AHI1: variants seen among roughly 807,000 people sequenced by gnomAD.
The protein encoded by AHI1 is Abelson helper integration site 1, also known as jouberin.
A neutral mutation model predicts 149.3 loss-of-function variants in AHI1; 123 were observed. That is an observed-to-expected ratio of 0.82 (90% CI 0.71 to 0.96). AHI1 has a LOEUF of 0.96. Ranked by LOEUF, AHI1 falls within the 40% of genes least tolerant of loss-of-function variation. AHI1 has a pLI of 0.00. For missense variants in AHI1, 1,439 were observed against 1,422.7 expected, an observed-to-expected ratio of 1.01 and a Z score of -0.18; for synonymous variants, 475 against 459.8, an observed-to-expected ratio of 1.03 and a Z score of -0.42.
chr6:135,411,657 G>A (rs1781613750), intron 20 of AHI1, 113 bp from the exon 21 acceptor site: 1 of 804,534 alleles, frequency 1.2e-6, no homozygotes, highest in East Asian at 3.0e-5. Context: ...CTTAAAAACT[G>A]GGTAATAATA....
chr6:135,413,273 C>T (rs1781871091), intron 20 of AHI1, among the ~76,000 whole-genome samples: 1 of 151,998 alleles, frequency 6.6e-6, no homozygotes, highest in Non-Finnish European at 1.5e-5. Flanking sequence ...GTCGAGGCTG[C>T]CACTGCATTC....
intron 20 of AHI1, among the ~76,000 whole-genome samples, chr6:135,413,736 AT>A (rs1476488797): frequency 5.5e-4 from 27 of 49,086 alleles, no homozygotes; most frequent in Non-Finnish European, 2.1e-3. Context: ...AAAAATTGAA[AT>A]TAAAAAAAAA....
At chr6:135,337,522 G>A (rs1243260524) in intron 24 of AHI1, among the ~76,000 whole-genome samples, 1 of 151,990 alleles carries the variant, frequency 6.6e-6, no homozygotes, top group East Asian at 1.9e-4. Flanking sequence ...ACTTTGGGAG[G>A]TCAAGGAGGG....
chr6:135,344,272 C>T (rs905998770), intron 24 of AHI1, among the ~76,000 whole-genome samples: 1 of 151,180 alleles, frequency 6.6e-6, no homozygotes, highest in Non-Finnish European at 1.5e-5. Context: ...ACACGGAGGG[C>T]TAAATGTATC....
chr6:135,387,796 G>A (rs1777819810), intron 23 of AHI1: 10 of 1,339,096 alleles, frequency 7.5e-6, no homozygotes, highest in Non-Finnish European at 9.6e-6. Context: ...ACCTCATACT[G>A]TTTATTCTCC....
chr6:135,309,124 T>A (rs1284113785), intron 26 of AHI1, among the ~76,000 whole-genome samples: 1 of 152,222 alleles, frequency 6.6e-6, no homozygotes, highest in Non-Finnish European at 1.5e-5. Context: ...AAAGGCCTTA[T>A]AAGTTCCTTT....
At chr6:135,401,815 T>C (rs961096486) in intron 22 of AHI1, among the ~76,000 whole-genome samples, 6 of 151,882 alleles carry the variant, frequency 4.0e-5, no homozygotes, top group African/African-American at 1.2e-4. Context: ...AAAGCACAAG[T>C]GACAAAAGAA....
At chr6:135,415,148 ATTTTT>A (rs1244776720) in intron 20 of AHI1, among the ~76,000 whole-genome samples, 1 of 151,758 alleles carries the variant, frequency 6.6e-6, no homozygotes, top group Non-Finnish European at 1.5e-5. Context: ...TGAACTCATC[ATTTTT>A]TATGGCTTCA....
chr6:135,332,191 T>C (rs903709935), intron 24 of AHI1, among the ~76,000 whole-genome samples: 1 of 151,572 alleles, frequency 6.6e-6, no homozygotes, highest in Admixed American at 6.6e-5. Flanking sequence ...TGCCTCAGCC[T>C]CCTGAGTAGC....
chr6:135,408,994 T>C (rs1474487902), intron 21 of AHI1, among the ~76,000 whole-genome samples: 2 of 152,176 alleles, frequency 1.3e-5, no homozygotes, highest in African/African-American at 4.8e-5. Flanking sequence ...TTATGGGAAA[T>C]ACCTGGTTTA....
chr6:135,478,965 C>T (rs1423660352), intron 5 of AHI1, among the ~76,000 whole-genome samples: 6 of 152,238 alleles, frequency 3.9e-5, no homozygotes, highest in African/African-American at 1.4e-4. Context: ...GGGTGAAAGC[C>T]TCAAGTCTTG....
rs563210280 is a variant in AHI1, at chr6:135,304,595, C to T, written c.3427-4037G>A. ...GACCAGCCTGGCCAACATAGTGAAACCCCGGTCTCTACTAAAAATGCAAAA... is the reference window on the plus strand; with the variant it reads ...GACCAGCCTGGCCAACATAGTGAAATCCCGGTCTCTACTAAAAATGCAAAA... On this transcript the variant is annotated intron_variant, in intron 26 of 28. Transcript: ENST00000265602. 2.6e-5 allele frequency among the ~76,000 whole-genome samples: 4 copies of T among 151,886 alleles called. No individual in the cohort carries two copies. In the East Asian group the frequency reaches 7.8e-4, roughly 29 times the overall value.
At chr6:135,420,502 A>G (rs1782996808) in intron 20 of AHI1, among the ~76,000 whole-genome samples, 1 of 152,102 alleles carries the variant, frequency 6.6e-6, no homozygotes, top group Admixed American at 6.6e-5. Flanking sequence ...TCTCAGCTAG[A>G]TCTTCTGGAT....
At chr6:135,382,984 A>C (rs1467169263) in intron 23 of AHI1, among the ~76,000 whole-genome samples, 8 of 142,300 alleles carry the variant, frequency 5.6e-5, no homozygotes, top group Non-Finnish European at 1.2e-4. Context: ...TTTTTTAAAA[A>C]TTGGATCACT....
At chr6:135,397,733 T>G (rs569350918) in intron 22 of AHI1, among the ~76,000 whole-genome samples, 1 of 152,206 alleles carries the variant, frequency 6.6e-6, no homozygotes, top group Non-Finnish European at 1.5e-5. Flanking sequence ...TAGTTAAAAT[T>G]TAAAACCTTT....
At chr6:135,389,119 G>A (rs1778060856) in intron 23 of AHI1, among the ~76,000 whole-genome samples, 5 of 151,718 alleles carry the variant, frequency 3.3e-5, no homozygotes, top group Admixed American at 2.6e-4. Context: ...GACCATCCTG[G>A]CTAACATGGT....
chr6:135,433,283 T>C, intron 15 of AHI1, 27 bp from the exon 16 acceptor site: 6 of 1,507,080 alleles, frequency 4.0e-6, no homozygotes, highest in Non-Finnish European at 5.5e-6. Context: ...AGTTACATAT[T>C]GCTTCTGAAA....
chr6:135,405,935 GGA>G (rs1780735201), intron 21 of AHI1, among the ~76,000 whole-genome samples: 1 of 151,098 alleles, frequency 6.6e-6, no homozygotes, highest in Admixed American at 6.6e-5. Context: ...AGTCCAATTA[GGA>G]GTTAGCCAGC....
At chr6:135,363,046 TA>T (rs1582823280) in intron 23 of AHI1, among the ~76,000 whole-genome samples, 1 of 148,780 alleles carries the variant, frequency 6.7e-6, no homozygotes, top group Non-Finnish European at 1.5e-5. Context: ...TTTATTTTAT[TA>T]TTATTATTAT....
Sources: gnomAD v4.1 joint callset for allele counts (sites outside exome capture counted in the v4.1 genomes callset) on GRCh38, gnomAD v4.1.1 for gene constraint, MANE v1.5 for transcripts, NCBI Gene and HGNC (gene_info 2026-07-23, HGNC 2026-07-21) for gene names.